STAB2: variants seen among roughly 807,000 people sequenced by gnomAD.
STAB2 encodes the protein stabilin-2.
STAB2 carries 288 observed loss-of-function variants against 338.1 expected under a neutral mutation model. That is an observed-to-expected ratio of 0.85 (90% confidence interval 0.77 to 0.94). The LOEUF (loss-of-function observed/expected upper bound fraction) is 0.94, where lower values mean the gene tolerates loss of function less well. Among genes scored for constraint, STAB2 ranks in the 40% least tolerant of loss-of-function variants. STAB2 has a pLI of 0.00. For missense variants in STAB2, 3,141 were observed against 3,210.1 expected, an observed-to-expected ratio of 0.98 and a Z score of 0.52; for synonymous variants, 1,202 against 1,193.3, an observed-to-expected ratio of 1.01 and a Z score of -0.15.
At chr12:103,674,759 T>G (rs1876173013) in intron 23 of STAB2, among the ~76,000 whole-genome samples, 1 of 152,242 alleles carries the variant, frequency 6.6e-6, no homozygotes, top group South Asian at 2.1e-4. Flanking sequence ...AGAGGATGTC[T>G]GGAATTCTTG....
At chr12:103,710,833 C>G (rs1255117996) in intron 39 of STAB2, among the ~76,000 whole-genome samples, 1 of 152,168 alleles carries the variant, frequency 6.6e-6, no homozygotes. Flanking sequence ...CATGAGCATC[C>G]TATCCAAGAG....
At chr12:103,736,465 T>C (rs530966108) in intron 52 of STAB2, among the ~76,000 whole-genome samples, 8 of 152,170 alleles carry the variant, frequency 5.3e-5, no homozygotes, top group Non-Finnish European at 1.0e-4. Flanking sequence ...CTTTGAAGAG[T>C]ATTCACATCT....
chr12:103,711,166 C>T (rs1056144873), intron 39 of STAB2: 3 of 380,974 alleles, frequency 7.9e-6, no homozygotes, highest in African/African-American at 4.2e-5. Flanking sequence ...ACATCAACAC[C>T]CAGACCATAA....
In STAB2 at chr12:103,645,545, A is replaced by G. The variant is rs998051450; in HGVS notation, c.1041-3145A>G. Reference sequence around the variant, plus strand: ...TTAACAGTTGTCTTCAAATGAAGGAATGTAACTTATAGTAGGATTAATTTT... The same window carrying G: ...TTAACAGTTGTCTTCAAATGAAGGAGTGTAACTTATAGTAGGATTAATTTT... On this transcript the variant is annotated intron_variant, in intron 9 of 68. Transcript: ENST00000388887. Among the ~76,000 whole-genome samples, 4 of 152,232 alleles carry G rather than the reference A, an allele frequency of 2.6e-5. No individual in the cohort carries two copies. In the East Asian group the frequency reaches 7.7e-4, roughly 29 times the overall value.
At chr12:103,688,274 G>A in intron 28 of STAB2, 59 bp downstream of exon 28, 1 of 1,550,918 alleles carries the variant, frequency 6.4e-7, no homozygotes, top group Non-Finnish European at 8.9e-7. Flanking sequence ...AACTTGGAAT[G>A]CATACAATAG....
rs750917891 is a variant in STAB2 at position 103,763,597 on chromosome 12, G to A, written c.7594G>A (p.Asp2532Asn). Reference sequence around the variant, plus strand: ...CTCAGCTCCCCCAGAACCTTCCTACGACCCCTTCACGGTGAGTTTGCATTC... The same window carrying A: ...CTCAGCTCCCCCAGAACCTTCCTACAACCCCTTCACGGTGAGTTTGCATTC... ...TTSAPPEPSY[D>N]PFTDSEERQL... Residue 2532 changes from aspartate (D) to asparagine (N), a missense_variant, in exon 68 of 69, where the codon GAC (aspartate) becomes AAC (asparagine). Asp to Asn is a conservative substitution (Grantham distance 23, BLOSUM62 1). Coordinates refer to ENST00000388887, the MANE Select transcript of STAB2 (RefSeq NM_017564.10). The A allele has an allele frequency of 1.1e-5, 18 of 1,613,746 alleles. No homozygotes were observed. In the Admixed American group the frequency reaches 1.7e-4, roughly 15 times the overall value.
chr12:103,618,028 A>G (rs1383573074), intron 3 of STAB2, among the ~76,000 whole-genome samples: 1 of 152,202 alleles, frequency 6.6e-6, no homozygotes, highest in African/African-American at 2.4e-5. Context: ...TGTTCTTCTA[A>G]AGAACTAGCC....
rs937680402 is a variant in STAB2, at chr12:103,620,654, C to T, written c.417+101C>T. ...ACACACACACACACACACACACACA[C>T]GTGCACACACACATATACAGCGAAG... On this transcript the variant is annotated intron_variant, in intron 4 of 68. Transcript: ENST00000388887. 25 of 929,272 alleles carry T rather than the reference C, an allele frequency of 2.7e-5. No individual in the cohort carries two copies. The East Asian group carries it at 4.1e-4, about 15-fold the overall frequency. 57.6% of individuals were successfully genotyped at this position (929,272 alleles called of 1,614,324 possible).
In STAB2 at chr12:103,689,986, G is replaced by C. The variant is rs567936571; in HGVS notation, c.3182+4G>C. The C allele has an allele frequency of 6.2e-7, 1 of 1,610,168 alleles. No homozygotes were observed. The highest frequency in any genetic ancestry group is 1.1e-5 in the South Asian group (1 of 90,220). ...GCAATATTCCAGCCCTAATAAAGTAGGTGTTACTTATTTTATTTTACATCG... is the reference window on the plus strand; with the variant it reads ...GCAATATTCCAGCCCTAATAAAGTACGTGTTACTTATTTTATTTTACATCG... On this transcript the variant is annotated splice_donor_region_variant and intron_variant, in intron 29 of 68. Coordinates refer to ENST00000388887, the MANE Select transcript of STAB2 (RefSeq NM_017564.10).
rs760512976 is a variant in STAB2 at position 103,690,470 on chromosome 12, C to G, written c.3229C>G (p.Leu1077Val). The G allele has an allele frequency of 1.2e-6, 2 of 1,614,150 alleles. No homozygotes were observed. Among genetic ancestry groups the G allele is most frequent in the Admixed American group, 1.7e-5 (1 of 60,018 alleles). The change falls in exon 30 of 69, where the codon CTG (leucine) becomes GTG (valine). Residue 1077 changes from leucine to valine, a missense_variant. By Grantham distance (32) the Leu-to-Val change is conservative (BLOSUM62 1). Transcript: ENST00000388887. ...GTYRVADLQT[L>V]SSSDMLATSL... ...ATACAGAGTGGCAGATCTGCAGACCCTGTCTTCTTCTGACATGTTGGCAAC... is the reference window on the plus strand; with the variant it reads ...ATACAGAGTGGCAGATCTGCAGACCGTGTCTTCTTCTGACATGTTGGCAAC...
At chr12:103,759,776 G>A (rs1336623331) in intron 65 of STAB2, among the ~76,000 whole-genome samples, 1 of 152,102 alleles carries the variant, frequency 6.6e-6, no homozygotes, top group Non-Finnish European at 1.5e-5. Flanking sequence ...ACCCTCTTAG[G>A]GTCTGTGGCT....
At position 103,675,996 on chromosome 12, in the gene STAB2, T is replaced by A; in HGVS notation, c.2621T>A (p.Leu874Gln). 6.2e-7 allele frequency: 1 copy of A among 1,611,562 alleles called. No individual in the cohort carries two copies. Among genetic ancestry groups the A allele is most frequent in the Non-Finnish European group, 8.5e-7 (1 of 1,178,918 alleles). ...TCTGAGATGGACCCTTGCACAGGACTAACTCCAGGAGGCTGTAGCCGCAAT... is the reference window on the plus strand; with the variant it reads ...TCTGAGATGGACCCTTGCACAGGACAAACTCCAGGAGGCTGTAGCCGCAAT... ...LCSEMDPCTG[L>Q]TPGGCSRNAE... is the part of the protein sequence containing the mutation. Residue 874 changes from leucine (L) to glutamine (Q), a missense_variant, in exon 24 of 69, where the codon CTA (leucine) becomes CAA (glutamine). By Grantham distance (113) the Leu-to-Gln change is moderately radical. Coordinates refer to ENST00000388887, the MANE Select transcript of STAB2 (RefSeq NM_017564.10).
intron 44 of STAB2, among the ~76,000 whole-genome samples, chr12:103,718,819 C>G (rs79672011): frequency 1.4e-4 from 21 of 152,314 alleles, no homozygotes; most frequent in Non-Finnish European, 2.6e-4. Context: ...CCACATGACT[C>G]TAGGGTTTTC....
intron 30 of STAB2, 53 bp downstream of exon 30, chr12:103,690,591 A>G (rs1877849971): frequency 2.7e-6 from 4 of 1,497,784 alleles, no homozygotes; most frequent in South Asian, 2.4e-5. Flanking sequence ...CTTTGTTTAT[A>G]TTGTACTTTT....
At chr12:103,759,395 G>A (rs1166637122) in intron 65 of STAB2, 122 bp downstream of exon 65, 1 of 1,395,456 alleles carries the variant, frequency 7.2e-7, no homozygotes, top group African/African-American at 1.4e-5. Context: ...CCTGCAGATA[G>A]GGGACGGTGT....
At chr12:103,745,827 A>G (rs1181393402) in intron 57 of STAB2, among the ~76,000 whole-genome samples, 2 of 152,234 alleles carry the variant, frequency 1.3e-5, no homozygotes, top group African/African-American at 2.4e-5. Flanking sequence ...CAGATGCTCA[A>G]AACAAGCAGC....
intron 53 of STAB2, among the ~76,000 whole-genome samples, chr12:103,738,065 A>G (rs546772348): frequency 6.6e-6 from 1 of 152,266 alleles, no homozygotes; most frequent in South Asian, 2.1e-4. Context: ...ACCATATGCC[A>G]ACTGCCATTC....
At chr12:103,680,425 G>A (rs1205661806) in intron 25 of STAB2, among the ~76,000 whole-genome samples, 1 of 152,194 alleles carries the variant, frequency 6.6e-6, no homozygotes, top group Non-Finnish European at 1.5e-5. Flanking sequence ...GGCTCAGAAG[G>A]CAGCATAAAG....
In STAB2 at chr12:103,593,344, T is replaced by A. The variant is rs528553440; in HGVS notation, c.216-1051T>A. On this transcript the variant is annotated intron_variant, in intron 2 of 68. Transcript: ENST00000388887. ...CCAATACTTGTTGCCTTTTGTTTCA[T>A]GCTTTTTATAATAACCATCGTAATA... 2.0e-5 allele frequency among the ~76,000 whole-genome samples: 3 copies of A among 152,360 alleles called. No homozygotes were observed. In the South Asian group the frequency reaches 6.2e-4, roughly 32 times the overall value.
Sources: gnomAD v4.1 joint callset for allele counts (sites outside exome capture counted in the v4.1 genomes callset) on GRCh38, gnomAD v4.1.1 for gene constraint, MANE v1.5 for transcripts, NCBI Gene and HGNC (gene_info 2026-07-23, HGNC 2026-07-21) for gene names.